Variants in GIGYF2 observed in about 807,000 individuals in gnomAD.
The protein encoded by GIGYF2 is GRB10 interacting GYF protein 2, also known as GRB10-interacting GYF protein 2.
A neutral mutation model predicts 208.1 loss-of-function variants in GIGYF2; 25 were observed. That is an observed-to-expected ratio of 0.12 (90% CI 0.09 to 0.17). The LOEUF (loss-of-function observed/expected upper bound fraction) is 0.17, where lower values mean the gene tolerates loss of function less well. GIGYF2 is among the 10% of genes least tolerant of loss of function. GIGYF2 has a pLI of 1.00. For missense variants in GIGYF2, 1,302 were observed against 1,579.4 expected (o/e 0.82, Z 2.98); for synonymous variants, 534 against 543.8 (o/e 0.98, Z 0.25).
intron 12 of GIGYF2, among the ~76,000 whole-genome samples, chr2:232,793,207 G>T (rs1331735840): frequency 1.3e-5 from 2 of 152,144 alleles, no homozygotes; most frequent in Non-Finnish European, 2.9e-5. Flanking sequence ...GGAGGATATT[G>T]GGAAACGTAG....
At chr2:232,765,465 A>C (rs72617181) in intron 8 of GIGYF2, 5,605 of 152,492 alleles carry the variant, frequency 0.037, 250 homozygotes, top group East Asian at 0.23. Context: ...GTAGAATTAC[A>C]GACATCTTTA....
intron 2 of GIGYF2, among the ~76,000 whole-genome samples, chr2:232,720,579 A>G (rs1034510796): frequency 8.2e-6 from 1 of 121,238 alleles, no homozygotes; most frequent in African/African-American, 2.9e-5. Context: ...ATATATATAT[A>G]TATATTTTTG....
intron 25 of GIGYF2, 102 bp from the exon 26 acceptor site, chr2:232,845,630 G>A: frequency 9.9e-7 from 1 of 1,009,716 alleles, no homozygotes; most frequent in Non-Finnish European, 1.6e-6. Context: ...TTATTTACTG[G>A]GCATCCATCC....
intron 1 of GIGYF2, among the ~76,000 whole-genome samples, chr2:232,702,652 C>T (rs1231642951): frequency 6.6e-6 from 1 of 151,976 alleles, no homozygotes; most frequent in Non-Finnish European, 1.5e-5. Context: ...AAGATATTGC[C>T]CCAACAGAGC....
chr2:232,850,307 C>A lies in GIGYF2; in HGVS notation c.3730C>A (p.Gln1244Lys). 1 of 1,613,442 alleles carries A rather than the reference C, an allele frequency of 6.2e-7. No individual in the cohort carries two copies. The highest frequency in any genetic ancestry group is 1.1e-5 in the South Asian group (1 of 91,060). Residue 1244 changes from glutamine (Q) to lysine (K), a missense_variant, in exon 28 of 29, where the codon CAG becomes AAG. Transcript: ENST00000373563. ...CCACAGTACACTCCATTCAGTATTTCAGACCAATCAAAGCAACAACCAACA... is the reference window on the plus strand; with the variant it reads ...CCACAGTACACTCCATTCAGTATTTAAGACCAATCAAAGCAACAACCAACA... The part of the protein sequence containing the change: ...MNHSTLHSVF[Q>K]TNQSNNQQSN...
intron 28 of GIGYF2, among the ~76,000 whole-genome samples, chr2:232,853,754 G>A (rs1268681436): frequency 5.3e-5 from 8 of 152,228 alleles, no homozygotes; most frequent in Non-Finnish European, 2.9e-5. Context: ...CATCTTTAGA[G>A]CCAGGCATAG....
rs558562569 is a variant in GIGYF2, at chr2:232,772,976, C to T, written c.532+11540C>T. 2.6e-5 allele frequency among the ~76,000 whole-genome samples: 4 copies of T among 152,170 alleles called. No homozygotes were observed. In the South Asian group the frequency reaches 8.3e-4, roughly 32 times the overall value. ...TTTCTTTTGCTCTGAGGTAACTTAACATTTATTGGTGATTAGAGACTTTTT... is the reference window on the plus strand; with the variant it reads ...TTTCTTTTGCTCTGAGGTAACTTAATATTTATTGGTGATTAGAGACTTTTT... On this transcript the variant is annotated intron_variant, in intron 8 of 28. Coordinates refer to ENST00000373563, the MANE Select transcript of GIGYF2 (RefSeq NM_001103146.3).
At chr2:232,852,625 G>C (rs898565380) in intron 28 of GIGYF2, among the ~76,000 whole-genome samples, 24 of 152,144 alleles carry the variant, frequency 1.6e-4, no homozygotes, top group Non-Finnish European at 2.2e-4. Flanking sequence ...GTGCCTGAAA[G>C]CTGGGTTTGG....
rs777650697 is a variant in GIGYF2, at chr2:232,809,764, A to T, written c.1851A>T (p.Thr617=). ...GACTGACCAGGCAGCAAGAACTCAC[A>T]GCCTTATACCAGATGCAGCACCTGC... ...QERLTRQQEL[T]ALYQMQHLQY... Residue 617 remains threonine, a synonymous_variant, in exon 16 of 29, where the codon ACA becomes ACT. Transcript: ENST00000373563. The T allele has an allele frequency of 3.7e-6, 6 of 1,611,752 alleles. No individual in the cohort carries two copies. In the African/African-American group the frequency reaches 6.7e-5, roughly 18 times the overall value.
chr2:232,808,246 T>A (rs1248565871), intron 15 of GIGYF2, among the ~76,000 whole-genome samples: 1 of 152,242 alleles, frequency 6.6e-6, no homozygotes, highest in East Asian at 1.9e-4. Flanking sequence ...TAAATTTAAC[T>A]TATATATCAA....
intron 28 of GIGYF2, among the ~76,000 whole-genome samples, chr2:232,851,413 A>ATTTTTTTTTTTTTTTTTTTT (rs5839451): frequency 1.3e-5 from 2 of 149,088 alleles, no homozygotes. Flanking sequence ...TGAAACTAAC[A>ATTTTTTTTTTTTTTTTTTTT]TTTTTTTTTT....
At chr2:232,750,769 G>T (rs1698310257) in intron 5 of GIGYF2, among the ~76,000 whole-genome samples, 1 of 150,816 alleles carries the variant, frequency 6.6e-6, no homozygotes, top group Non-Finnish European at 1.5e-5. Flanking sequence ...GTATGTTTGT[G>T]TGTGTGTGTA....
intron 22 of GIGYF2, among the ~76,000 whole-genome samples, chr2:232,837,828 CT>C (rs1228218910): frequency 1.3e-5 from 2 of 152,158 alleles, no homozygotes. Flanking sequence ...CACGCAGCTC[CT>C]CATGCTGTCA....
Position 232,711,705 on chromosome 2 carries a change from GTATA to G in GIGYF2, c.-44+8235_-44+8238del, listed in dbSNP as rs55893272. 4.8e-4 allele frequency among the ~76,000 whole-genome samples: 55 copies of G among 115,768 alleles called. 2 individuals carry two copies. The South Asian group carries it at 6.6e-3, about 14-fold the overall frequency. The allele number at this position is 115,768 out of a possible 152,430, so 75.9% of individuals were successfully genotyped here. ...GAAGGAAAATTATCCTCACAATGAT[GTATA>G]TATATATATATATATATAGTTGTAA... On this transcript the variant is annotated intron_variant, in intron 2 of 28. Transcript: ENST00000373563.
chr2:232,822,407 G>T (rs1701114898), intron 21 of GIGYF2, among the ~76,000 whole-genome samples: 1 of 152,206 alleles, frequency 6.6e-6, no homozygotes. Context: ...AGCAGGCTGG[G>T]TGCAGTGGCT....
Position 232,857,185 on chromosome 2 carries a change from G to A in GIGYF2, c.*325G>A. ...TACTGTCTCCCAGAAAGTGTGTTGG[G>A]ATCGGCCATTAGCAGCTTGCTTTCT... is the stretch of plus-strand genomic sequence containing the variant. On this transcript the variant is annotated 3_prime_UTR_variant, in exon 29 of 29. Coordinates refer to ENST00000373563, the MANE Select transcript of GIGYF2 (RefSeq NM_001103146.3). 1 of 426,618 alleles carries A rather than the reference G, an allele frequency of 2.3e-6. No individual in the cohort carries two copies. The highest frequency in any genetic ancestry group is 4.6e-5 in the East Asian group (1 of 21,666). 26.4% of individuals were successfully genotyped at this position (426,618 alleles called of 1,614,324 possible). A position where few individuals can be genotyped will look rare whatever the true frequency, so the allele number is the denominator to read the frequency against.
intron 2 of GIGYF2, among the ~76,000 whole-genome samples, chr2:232,714,219 G>A (rs1413940616): frequency 6.6e-6 from 1 of 152,106 alleles, no homozygotes; most frequent in Non-Finnish European, 1.5e-5. Flanking sequence ...CCAAAGTGCT[G>A]GGATTACAGG....
intron 7 of GIGYF2, 44 bp from the exon 8 acceptor site, chr2:232,761,352 T>C: frequency 7.6e-7 from 1 of 1,319,592 alleles, no homozygotes; most frequent in East Asian, 2.3e-5. Flanking sequence ...AGGAAATCTA[T>C]ATCACTGTGA....
intron 6 of GIGYF2, 91 bp downstream of exon 6, chr2:232,756,425 A>C (rs1267029373): frequency 1.5e-6 from 1 of 663,316 alleles, no homozygotes; most frequent in African/African-American, 1.8e-5. Context: ...GATTTAATAA[A>C]AACTGTTCTT....
Sources: allele counts gnomAD v4.1 joint callset (sites outside exome capture counted in the v4.1 genomes callset), GRCh38; gene constraint gnomAD v4.1.1; transcripts MANE v1.5; gene names NCBI Gene and HGNC (gene_info 2026-07-23, HGNC 2026-07-21).